The following PRKACB variants were observed in gnomAD, a reference collection of about 807,000 sequenced individuals.
The protein encoded by PRKACB is cAMP-dependent protein kinase catalytic subunit beta.
In PRKACB, 16 loss-of-function variants were observed where a neutral mutation model predicts 51.4. The observed-to-expected ratio is 0.31, with a 90% confidence interval of 0.21 to 0.47. The LOEUF is 0.47. Among genes scored for constraint, PRKACB ranks in the 20% least tolerant of loss-of-function variants. The pLI is 1.00. For synonymous variants in PRKACB, 147 were observed against 154.4 expected, an observed-to-expected ratio of 0.95 and a Z score of 0.35; for missense variants, 309 against 464.5, an observed-to-expected ratio of 0.67 and a Z score of 3.08.
At position 84,212,882 on chromosome 1, in the gene PRKACB, T is replaced by C. The variant is rs148557028; in HGVS notation, c.907-1271T>C. 6.3e-4 allele frequency among the ~76,000 whole-genome samples: 96 copies of C among 152,260 alleles called. 2 individuals are homozygous for C. In the East Asian group the frequency reaches 0.014, roughly 23 times the overall value. Reference sequence around the variant, plus strand: ...CTGAGAATAAAAATGGCACAATACCTTCCCTCAGAAGCTCAGAGCCTGGGG... The same window carrying C: ...CTGAGAATAAAAATGGCACAATACCCTCCCTCAGAAGCTCAGAGCCTGGGG... On this transcript the variant is annotated intron_variant, in intron 8 of 9. Transcript: ENST00000370685.
chr1:84,211,759 T>C (rs1209370525), intron 8 of PRKACB, among the ~76,000 whole-genome samples: 2 of 152,164 alleles, frequency 1.3e-5, no homozygotes, highest in East Asian at 3.8e-4. Flanking sequence ...CCCCTACCTA[T>C]GAAATTTGGA....
chr1:84,183,895 T>TAC, intron 3 of PRKACB, 142 bp from the exon 4 acceptor site: 1 of 841,984 alleles, frequency 1.2e-6, no homozygotes, highest in Non-Finnish European at 1.7e-6. Flanking sequence ...AACCTAAAAG[T>TAC]TGGTAATTGT....
intron 2 of PRKACB, 131 bp downstream of exon 2, chr1:84,179,369 G>A (rs1453921614): frequency 9.0e-7 from 1 of 1,105,192 alleles, no homozygotes; most frequent in Non-Finnish European, 1.2e-6. Context: ...CTTAAAATGG[G>A]AATTTTGCCA....
At chr1:84,147,143 A>G (rs929712223) in intron 1 of PRKACB, among the ~76,000 whole-genome samples, 2 of 152,070 alleles carry the variant, frequency 1.3e-5, no homozygotes, top group East Asian at 1.9e-4. Flanking sequence ...AAATAGGTCA[A>G]TACCATCAAA....
chr1:84,087,853 C>A (rs1040869566), intron 1 of PRKACB, among the ~76,000 whole-genome samples: 2 of 152,042 alleles, frequency 1.3e-5, no homozygotes, highest in African/African-American at 4.8e-5. Flanking sequence ...TAGTGGATTT[C>A]TTTATTTTAA....
At chr1:84,213,331 G>T (rs1390750373) in intron 8 of PRKACB, among the ~76,000 whole-genome samples, 1 of 152,054 alleles carries the variant, frequency 6.6e-6, no homozygotes, top group Non-Finnish European at 1.5e-5. Context: ...AATTTTTTAG[G>T]TACCCATATC....
intron 1 of PRKACB, among the ~76,000 whole-genome samples, chr1:84,166,603 A>G (rs958793718): frequency 6.6e-6 from 1 of 151,662 alleles, no homozygotes; most frequent in Non-Finnish European, 1.5e-5. Flanking sequence ...CCCAATTTCA[A>G]CTGATTTTAA....
intron 5 of PRKACB, among the ~76,000 whole-genome samples, chr1:84,196,360 C>T (rs1668245281): frequency 6.6e-6 from 1 of 152,108 alleles, no homozygotes; most frequent in African/African-American, 2.4e-5. Context: ...AATAATGATT[C>T]ACAATGAGCT....
chr1:84,211,005 CT>C (rs778613148), intron 8 of PRKACB, among the ~76,000 whole-genome samples: 20 of 151,966 alleles, frequency 1.3e-4, no homozygotes, highest in Admixed American at 3.9e-4. Context: ...AGAGTGTGGG[CT>C]ACCTATGAGA....
intron 8 of PRKACB, among the ~76,000 whole-genome samples, chr1:84,213,249 G>A (rs1434936273): frequency 6.6e-6 from 1 of 152,026 alleles, no homozygotes; most frequent in Non-Finnish European, 1.5e-5. Context: ...GTGGAGAGGT[G>A]GTAGTGATGA....
chr1:84,200,517 G>T (rs1212836736), intron 7 of PRKACB, among the ~76,000 whole-genome samples: 5 of 152,140 alleles, frequency 3.3e-5, no homozygotes, highest in African/African-American at 1.2e-4. Flanking sequence ...GTTTGCTTTT[G>T]TTGGAATTGC....
chr1:84,104,032 T>G (rs1649546304), intron 1 of PRKACB, among the ~76,000 whole-genome samples: 1 of 152,200 alleles, frequency 6.6e-6, no homozygotes, highest in Admixed American at 6.5e-5. Context: ...TAAATTATAG[T>G]CACCATACAG....
At chr1:84,222,033 C>T (rs1424320225) in intron 9 of PRKACB, among the ~76,000 whole-genome samples, 1 of 152,030 alleles carries the variant, frequency 6.6e-6, no homozygotes, top group Non-Finnish European at 1.5e-5. Context: ...TGTTGAAGTC[C>T]TGAACTATTA....
chr1:84,177,673 C>G (rs1661779060), intron 1 of PRKACB, among the ~76,000 whole-genome samples: 1 of 151,948 alleles, frequency 6.6e-6, no homozygotes, highest in African/African-American at 2.4e-5. Flanking sequence ...GCCTAGTAGT[C>G]TGAGGCTCTA....
At chr1:84,184,831 C>A (rs1020608454) in intron 4 of PRKACB, among the ~76,000 whole-genome samples, 3 of 151,306 alleles carry the variant, frequency 2.0e-5, no homozygotes, top group African/African-American at 7.3e-5. Context: ...ACTTCATTGC[C>A]TGAGTATTTA....
chr1:84,118,861 A>G (rs1650836186), intron 1 of PRKACB, among the ~76,000 whole-genome samples: 1 of 152,160 alleles, frequency 6.6e-6, no homozygotes, highest in Non-Finnish European at 1.5e-5. Context: ...TTATATACCA[A>G]AAGTAGTTGA....
intron 5 of PRKACB, among the ~76,000 whole-genome samples, chr1:84,192,908 G>A (rs7547892): frequency 0.42 from 64,409 of 151,868 alleles, 14,484 homozygotes; most frequent in Non-Finnish European, 0.52. Context: ...TGCCAAATAC[G>A]TAAGAGCCAA....
intron 9 of PRKACB, among the ~76,000 whole-genome samples, chr1:84,230,408 C>T (rs1020681151): frequency 2.0e-4 from 30 of 152,218 alleles, no homozygotes; most frequent in African/African-American, 4.6e-4. Context: ...ATTGATTTGG[C>T]GATGCGGGCT....
intron 9 of PRKACB, among the ~76,000 whole-genome samples, chr1:84,232,657 CA>C (rs576513535): frequency 3.7e-4 from 57 of 152,210 alleles, no homozygotes; most frequent in African/African-American, 1.3e-3. Flanking sequence ...ATCCCTTTAC[CA>C]TTATGTAATG....
Sources: gnomAD v4.1 joint callset for allele counts (sites outside exome capture counted in the v4.1 genomes callset) on GRCh38, gnomAD v4.1.1 for gene constraint, MANE v1.5 for transcripts, NCBI Gene and HGNC (gene_info 2026-07-23, HGNC 2026-07-21) for gene names.